Variants in LRRTM4 observed in about 807,000 individuals in gnomAD.
LRRTM4 encodes leucine-rich repeat transmembrane neuronal protein 4.
LRRTM4 carries 25 observed loss-of-function variants against 47.6 expected under a neutral mutation model. The ratio of observed to expected loss-of-function variants is 0.53; its 90% CI spans 0.38 to 0.73. The LOEUF (loss-of-function observed/expected upper bound fraction) is 0.73. Among genes scored for constraint, LRRTM4 ranks in the 30% least tolerant of loss-of-function variants. The pLI, the probability that LRRTM4 is intolerant of heterozygous loss-of-function variation, is 0.00. For synonymous variants in LRRTM4, 311 were observed against 269.5 expected (o/e 1.15, Z -1.51); for missense variants, 638 against 713.4 (o/e 0.89, Z 1.20).
At chr2:77,128,021 T>C (rs1671694020) in intron 3 of LRRTM4, among the ~76,000 whole-genome samples, 1 of 151,924 alleles carries the variant, frequency 6.6e-6, no homozygotes, top group African/African-American at 2.4e-5. Flanking sequence ...CGCACGCCTG[T>C]AATCCCAGCT....
intron 3 of LRRTM4, among the ~76,000 whole-genome samples, chr2:77,154,755 T>A (rs1259020373): frequency 6.6e-6 from 1 of 152,126 alleles, no homozygotes; most frequent in African/African-American, 2.4e-5. Context: ...AGGAGATTAG[T>A]TACATGAATG....
At chr2:77,183,841 C>G (rs1223190712) in intron 3 of LRRTM4, among the ~76,000 whole-genome samples, 2 of 152,066 alleles carry the variant, frequency 1.3e-5, no homozygotes, top group African/African-American at 2.4e-5. Context: ...GACAAAAAAC[C>G]AAACACCACA....
At chr2:77,136,813 G>C (rs548108829) in intron 3 of LRRTM4, among the ~76,000 whole-genome samples, 1 of 151,906 alleles carries the variant, frequency 6.6e-6, no homozygotes, top group Non-Finnish European at 1.5e-5. Flanking sequence ...AATGGCACAC[G>C]AACTATGTGA....
chr2:77,051,498 GA>G (rs1291282819), intron 3 of LRRTM4, among the ~76,000 whole-genome samples: 35 of 152,168 alleles, frequency 2.3e-4, no homozygotes. Context: ...TTAGAATCAA[GA>G]AAAAATCCAT....
chr2:77,350,360 A>AAAG (rs1558701234), intron 3 of LRRTM4, among the ~76,000 whole-genome samples: 24 of 143,778 alleles, frequency 1.7e-4, no homozygotes, highest in African/African-American at 5.9e-4. Flanking sequence ...AAAAAAAAAA[A>AAAG]AAAGAAATTG....
At chr2:77,462,894 T>C (rs1676843286) in intron 3 of LRRTM4, among the ~76,000 whole-genome samples, 2 of 151,514 alleles carry the variant, frequency 1.3e-5, no homozygotes, top group African/African-American at 4.8e-5. Flanking sequence ...TGCATGTGTG[T>C]GTCTGTGTGT....
chr2:77,058,477 T>C (rs1415222310), intron 3 of LRRTM4, among the ~76,000 whole-genome samples: 1 of 150,594 alleles, frequency 6.6e-6, no homozygotes, highest in East Asian at 1.9e-4. Flanking sequence ...TTCTAGCCTC[T>C]TTTTCTTTTT....
At chr2:77,263,984 A>G (rs542435410) in intron 3 of LRRTM4, among the ~76,000 whole-genome samples, 1 of 151,788 alleles carries the variant, frequency 6.6e-6, no homozygotes, top group Non-Finnish European at 1.5e-5. Flanking sequence ...TTAGAGAAAG[A>G]TATGTTAAAC....
At position 77,046,156 on chromosome 2, in the gene LRRTM4, T is replaced by C. The variant is rs528280911; in HGVS notation, c.1552-297240A>G. Among the ~76,000 whole-genome samples the C allele has an allele frequency of 6.6e-5, 10 of 152,080 alleles. No homozygotes were observed. In the South Asian group the frequency reaches 2.1e-3, roughly 32 times the overall value. On this transcript the variant is annotated intron_variant, in intron 3 of 3. Transcript: ENST00000409884. The stretch of plus-strand genomic sequence containing the variant: ...AACTCACATCTTGGTTTGATTGCAG[T>C]TCAACTATTTATGTGAAAACACTTC...
At chr2:76,890,364 C>T (rs943857964) in intron 3 of LRRTM4, among the ~76,000 whole-genome samples, 1 of 151,966 alleles carries the variant, frequency 6.6e-6, no homozygotes, top group Non-Finnish European at 1.5e-5. Flanking sequence ...TATGTCCTTA[C>T]CATCTTAATA....
At chr2:76,781,741 AC>A (rs34517616) in intron 3 of LRRTM4, among the ~76,000 whole-genome samples, 10,854 of 152,128 alleles carry the variant, frequency 0.071, 1,258 homozygotes, top group African/African-American at 0.24. Flanking sequence ...GGAGCTATAG[AC>A]CGGAGCTGTT....
chr2:76,813,902 G>T (rs144308029), intron 3 of LRRTM4, among the ~76,000 whole-genome samples: 2 of 116,304 alleles, frequency 1.7e-5, no homozygotes, highest in African/African-American at 7.2e-5. Flanking sequence ...GAACCAATTT[G>T]GCAATTATTA....
intron 3 of LRRTM4, among the ~76,000 whole-genome samples, chr2:76,926,637 G>T (rs1366811305): frequency 6.6e-6 from 1 of 152,092 alleles, no homozygotes; most frequent in African/African-American, 2.4e-5. Flanking sequence ...TTTTGTTATG[G>T]TGTTAGTGGT....
chr2:77,060,295 T>C (rs1288178520), intron 3 of LRRTM4, among the ~76,000 whole-genome samples: 1 of 152,172 alleles, frequency 6.6e-6, no homozygotes, highest in Non-Finnish European at 1.5e-5. Flanking sequence ...TTTGGGGGTG[T>C]GGCATTTTCA....
chr2:76,814,389 G>T (rs1395571361), intron 3 of LRRTM4, among the ~76,000 whole-genome samples: 1 of 141,438 alleles, frequency 7.1e-6, no homozygotes, highest in Non-Finnish European at 1.6e-5. Context: ...GAAGAAAAAA[G>T]CTATTGGCTG....
At chr2:77,367,647 G>A (rs1186145361) in intron 3 of LRRTM4, among the ~76,000 whole-genome samples, 2 of 151,716 alleles carry the variant, frequency 1.3e-5, no homozygotes, top group Non-Finnish European at 2.9e-5. Flanking sequence ...CTGTTTCCAG[G>A]TATCTAAAGA....
At chr2:76,836,043 GGAA>G (rs1671502168) in intron 3 of LRRTM4, among the ~76,000 whole-genome samples, 1 of 151,722 alleles carries the variant, frequency 6.6e-6, no homozygotes, top group Non-Finnish European at 1.5e-5. Context: ...CACAATGTTG[GGAA>G]GAAGTTGAGA....
chr2:76,985,288 A>C (rs1229525194), intron 3 of LRRTM4, among the ~76,000 whole-genome samples: 2 of 152,068 alleles, frequency 1.3e-5, no homozygotes, highest in African/African-American at 2.4e-5. Context: ...CCCACCTGTG[A>C]ATTAAATGGT....
intron 3 of LRRTM4, among the ~76,000 whole-genome samples, chr2:77,011,904 T>A (rs1223429993): frequency 6.6e-6 from 1 of 151,972 alleles, no homozygotes; most frequent in East Asian, 1.9e-4. Flanking sequence ...GGTTGAGACC[T>A]CAGAACTGCC....
Sources: gnomAD v4.1 joint callset for allele counts (sites outside exome capture counted in the v4.1 genomes callset) on GRCh38, gnomAD v4.1.1 for gene constraint, MANE v1.5 for transcripts, NCBI Gene and HGNC (gene_info 2026-07-23, HGNC 2026-07-21) for gene names.